SGSM1: variants seen among roughly 807,000 people sequenced by gnomAD.
The protein encoded by SGSM1 is RUN and TBC1 domain containing 2.
Under a neutral mutation model 133.8 loss-of-function variants are expected in SGSM1, and 73 were observed. The observed-to-expected ratio is 0.55, with a 90% CI of 0.45 to 0.66. The LOEUF is 0.66. SGSM1 is among the 30% of genes least tolerant of loss of function. The pLI is 0.00. For synonymous variants in SGSM1, 563 were observed against 573.0 expected (o/e 0.98, Z 0.25); for missense variants, 1,213 against 1,448.1 (o/e 0.84, Z 2.64).
At position 24,844,982 on chromosome 22, in the gene SGSM1, T is replaced by G; in HGVS notation, c.139+10T>G. Reference sequence around the variant, plus strand: ...ATCATCTCCTTCTGTGGTGAGTCTGTGACCTGGGAAAGTGGCTTCTTTCTC... The same window carrying G: ...ATCATCTCCTTCTGTGGTGAGTCTGGGACCTGGGAAAGTGGCTTCTTTCTC... On this transcript the variant is annotated intron_variant, in intron 3 of 24. Transcript: ENST00000400358. The G allele has an allele frequency of 6.2e-7, 1 of 1,613,498 alleles. No homozygotes were observed. Among genetic ancestry groups the G allele is most frequent in the Non-Finnish European group, 8.5e-7 (1 of 1,179,720 alleles).
chr22:24,850,333 C>T lies in SGSM1; in HGVS notation c.356C>T (p.Pro119Leu). The stretch of plus-strand genomic sequence containing the variant: ...AATGTGCGGAAGCTGCCGAAGCTGC[C>T]CAACTTGTCCCCACTTGCCATCAAG... ...QENVRKLPKL[P>L]NLSPLAIKHL... is the part of the protein sequence containing the mutation. Residue 119 changes from proline (P) to leucine (L), a missense_variant, in exon 5 of 25, where the codon CCC (proline) becomes CTC (leucine). Coordinates refer to ENST00000400358, the MANE Select transcript of SGSM1 (RefSeq NM_001098497.3). 6.2e-7 allele frequency: 1 copy of T among 1,613,654 alleles called. No homozygotes were observed. Among genetic ancestry groups the T allele is most frequent in the Non-Finnish European group, 8.5e-7 (1 of 1,179,816 alleles).
chr22:24,838,014 C>T (rs1929567965), intron 2 of SGSM1, among the ~76,000 whole-genome samples: 1 of 152,210 alleles, frequency 6.6e-6, no homozygotes, highest in South Asian at 2.1e-4. Context: ...GCTTGCCACC[C>T]ACACAATGTC....
chr22:24,833,412 C>T (rs1929234498), intron 2 of SGSM1, among the ~76,000 whole-genome samples: 1 of 151,908 alleles, frequency 6.6e-6, no homozygotes, highest in Non-Finnish European at 1.5e-5. Flanking sequence ...GTAATCCCAG[C>T]ACTTTGGGAG....
At chr22:24,887,158 C>CAT (rs56728576) in intron 16 of SGSM1, among the ~76,000 whole-genome samples, 14,880 of 140,760 alleles carry the variant, frequency 0.11, 1,496 homozygotes, top group African/African-American at 0.25. Context: ...AGTTTTCTCA[C>CAT]GTGTAGATCT....
chr22:24,897,194 A>G (rs910533766), intron 18 of SGSM1, among the ~76,000 whole-genome samples: 1 of 151,700 alleles, frequency 6.6e-6, no homozygotes, highest in Non-Finnish European at 1.5e-5. Flanking sequence ...AGCCTGGCCA[A>G]CATGGTGAAA....
chr22:24,889,254 C>T (rs1181146443), intron 16 of SGSM1, among the ~76,000 whole-genome samples: 1 of 152,066 alleles, frequency 6.6e-6, no homozygotes, highest in African/African-American at 2.4e-5. Flanking sequence ...GCCACCGTGC[C>T]CGGCCCTCAT....
chr22:24,891,999 G>C (rs571677455), intron 16 of SGSM1, among the ~76,000 whole-genome samples: 1 of 152,236 alleles, frequency 6.6e-6, no homozygotes, highest in Admixed American at 6.5e-5. Flanking sequence ...GGTGGAGGCA[G>C]CAGTGAGAGG....
At position 24,806,493 on chromosome 22, in the gene SGSM1, CG is replaced by C; in HGVS notation, c.63+13del. ...GCACCGTCAAGAAGGAGGTGGGTGC[CG>C]GGGTGGGGGCACTGGGCAGGACTCC... On this transcript the variant is annotated intron_variant, in intron 2 of 24. Transcript: ENST00000400358. 1 of 1,509,196 alleles carries C rather than the reference CG, an allele frequency of 6.6e-7. No individual in the cohort carries two copies. Among genetic ancestry groups the C allele is most frequent in the South Asian group, 1.2e-5 (1 of 80,032 alleles). The allele number at this position is 1,509,196 out of a possible 1,614,324, so 93.5% of individuals were successfully genotyped here.
chr22:24,873,442 C>T (rs967921306), intron 12 of SGSM1, among the ~76,000 whole-genome samples: 4 of 151,972 alleles, frequency 2.6e-5, no homozygotes, highest in African/African-American at 4.8e-5. Context: ...ATCCCCAAGG[C>T]GTGAAAACCC....
chr22:24,819,867 G>T (rs888533798), intron 2 of SGSM1, among the ~76,000 whole-genome samples: 6 of 152,142 alleles, frequency 3.9e-5, no homozygotes, highest in Admixed American at 3.3e-4. Context: ...AATAATTTGG[G>T]AATTTCCTTT....
Position 24,835,229 on chromosome 22 carries a change from G to A in SGSM1, c.64-9668G>A, listed in dbSNP as rs555788844. 6.6e-5 allele frequency among the ~76,000 whole-genome samples: 10 copies of A among 152,304 alleles called. No homozygotes were observed. In the East Asian group the frequency reaches 1.9e-3, roughly 29 times the overall value. ...TAACTTGTTCCAGGGCAGCGGGGGTGTCTCTGTCATCATTATTCAAATGCT... is the reference window on the plus strand; with the variant it reads ...TAACTTGTTCCAGGGCAGCGGGGGTATCTCTGTCATCATTATTCAAATGCT... On this transcript the variant is annotated intron_variant, in intron 2 of 24. Transcript: ENST00000400358.
At chr22:24,847,443 A>G (rs912255153) in intron 3 of SGSM1, among the ~76,000 whole-genome samples, 191 bp from the exon 4 acceptor site, 11 of 152,212 alleles carry the variant, frequency 7.2e-5, no homozygotes, top group African/African-American at 2.2e-4. Context: ...TACTTCTTAT[A>G]TAGTCACTTT....
chr22:24,923,277 T>C (rs2024648), intron 24 of SGSM1, among the ~76,000 whole-genome samples: 31,861 of 152,066 alleles, frequency 0.21, 4,034 homozygotes, highest in East Asian at 0.55. Flanking sequence ...TACTCCACAG[T>C]GCCCCTGCAA....
intron 14 of SGSM1, among the ~76,000 whole-genome samples, chr22:24,883,111 A>G (rs995277732): frequency 1.3e-5 from 2 of 150,308 alleles, no homozygotes; most frequent in African/African-American, 2.5e-5. Flanking sequence ...TCACCGTGTT[A>G]GTCAGGATGT....
chr22:24,827,411 G>C (rs1045443677), intron 2 of SGSM1, among the ~76,000 whole-genome samples: 2 of 151,990 alleles, frequency 1.3e-5, no homozygotes, highest in African/African-American at 4.8e-5. Flanking sequence ...GGCGGGGCTG[G>C]TTTCTGAATG....
chr22:24,863,843 G>A (rs1050348013), intron 9 of SGSM1, among the ~76,000 whole-genome samples: 3 of 151,490 alleles, frequency 2.0e-5, no homozygotes, highest in Middle Eastern at 3.2e-3. Flanking sequence ...CCAGGTTCAA[G>A]CGATTTTCCT....
At chr22:24,874,439 C>T in intron 12 of SGSM1, 1 of 1,612,010 alleles carries the variant, frequency 6.2e-7, no homozygotes, top group African/African-American at 1.3e-5. Context: ...TTGGGCAGCA[C>T]TTCCTCCGTC....
At chr22:24,916,714 T>C (rs1295045600) in intron 22 of SGSM1, among the ~76,000 whole-genome samples, 1 of 152,036 alleles carries the variant, frequency 6.6e-6, no homozygotes, top group Non-Finnish European at 1.5e-5. Context: ...AAAAAATTTG[T>C]TTTTATTACG....
intron 24 of SGSM1, among the ~76,000 whole-genome samples, chr22:24,923,141 A>G (rs568483560): frequency 7.0e-6 from 1 of 142,182 alleles, no homozygotes; most frequent in African/African-American, 2.5e-5. Context: ...CCTTGTCTCA[A>G]AAGAAAAAAA....
Sources: allele counts gnomAD v4.1 joint callset (sites outside exome capture counted in the v4.1 genomes callset), GRCh38; gene constraint gnomAD v4.1.1; transcripts MANE v1.5; gene names NCBI Gene and HGNC (gene_info 2026-07-23, HGNC 2026-07-21).